Variants in NFIL3 observed in about 807,000 individuals in gnomAD.
NFIL3 encodes nuclear factor, interleukin 3 regulated.
A neutral mutation model predicts 10.0 loss-of-function variants in NFIL3; 5 were observed. The ratio of observed to expected loss-of-function variants is 0.50; its 90% CI spans 0.26 to 1.06. NFIL3 has a LOEUF of 1.06. Among genes scored for constraint, NFIL3 ranks in the 50% least tolerant of loss-of-function variants. The probability of loss-of-function intolerance (pLI) is 0.13; values close to 1 mark genes in which losing one functional copy is unlikely to be tolerated. For missense variants in NFIL3, 436 were observed against 547.6 expected, an observed-to-expected ratio of 0.80 and a Z score of 2.03; for synonymous variants, 202 against 206.5, an observed-to-expected ratio of 0.98 and a Z score of 0.19.
the NFIL3 span, among the ~76,000 whole-genome samples, chr9:91,472,867 G>A: frequency 6.6e-6 from 1 of 152,156 alleles, no homozygotes; most frequent in Non-Finnish European, 1.5e-5. Context: ...TTTGATGATG[G>A]TGACGTACAG....
the NFIL3 span, among the ~76,000 whole-genome samples, chr9:91,463,746 C>T: frequency 6.6e-6 from 1 of 152,150 alleles, no homozygotes; most frequent in African/African-American, 2.4e-5. Flanking sequence ...CTATCAACTA[C>T]CAACAGAGTG....
chr9:91,477,747 A>G, the NFIL3 span, among the ~76,000 whole-genome samples: 56 of 152,366 alleles, frequency 3.7e-4, no homozygotes, highest in African/African-American at 1.2e-3. Flanking sequence ...ATAAATGCTT[A>G]TGAATGAACA....
At chr9:91,462,125 A>G in the NFIL3 span, among the ~76,000 whole-genome samples, 3 of 152,176 alleles carry the variant, frequency 2.0e-5, no homozygotes, top group South Asian at 6.2e-4. Flanking sequence ...TGTTACTACA[A>G]ACTACAAAAT....
At chr9:91,461,743 C>T in the NFIL3 span, among the ~76,000 whole-genome samples, 1 of 152,156 alleles carries the variant, frequency 6.6e-6, no homozygotes, top group East Asian at 1.9e-4. Flanking sequence ...TATTAGGACA[C>T]TTGCATTGGA....
chr9:91,409,311 T>A lies in NFIL3; in HGVS notation c.*35A>T. 6.6e-7 allele frequency: 1 copy of A among 1,520,690 alleles called. No individual in the cohort carries two copies. The highest frequency in any genetic ancestry group is 8.8e-7 in the Non-Finnish European group (1 of 1,136,118). 94.2% of individuals were successfully genotyped at this position (1,520,690 alleles called of 1,614,324 possible). ...ATGGACTGCTCTATTGCAAATGACA[T>A]CTTTCTAAATGCCCAGCTCTTACTC... On this transcript the variant is annotated 3_prime_UTR_variant, in exon 2 of 2. Transcript: ENST00000297689.
intron 1 of NFIL3, among the ~76,000 whole-genome samples, chr9:91,422,761 C>T (rs1833792879): frequency 6.6e-6 from 1 of 152,144 alleles, no homozygotes; most frequent in African/African-American, 2.4e-5. Context: ...AAAATAACAG[C>T]TGAGAACATT....
chr9:91,466,903 G>A, the NFIL3 span, among the ~76,000 whole-genome samples: 5 of 152,118 alleles, frequency 3.3e-5, no homozygotes, highest in Non-Finnish European at 7.3e-5. Flanking sequence ...TTTTTTAGGC[G>A]AGATTCATAC....
chr9:91,416,885 C>A (rs1833667768), intron 1 of NFIL3, among the ~76,000 whole-genome samples: 1 of 152,048 alleles, frequency 6.6e-6, no homozygotes, highest in Non-Finnish European at 1.5e-5. Flanking sequence ...AGAATATAAC[C>A]TCATAACAAT....
intron 1 of NFIL3, among the ~76,000 whole-genome samples, chr9:91,414,931 T>C (rs532292264): frequency 1.5e-3 from 234 of 152,352 alleles, no homozygotes; most frequent in African/African-American, 5.3e-3. Flanking sequence ...CAGTCACCCA[T>C]ATACCTTATA....
chr9:91,431,971 C>T, the NFIL3 span, among the ~76,000 whole-genome samples: 3 of 152,136 alleles, frequency 2.0e-5, no homozygotes, highest in African/African-American at 7.2e-5. Flanking sequence ...CTTCTACCAC[C>T]AGCAGCTAAC....
the NFIL3 span, among the ~76,000 whole-genome samples, chr9:91,448,624 C>A: frequency 6.6e-6 from 1 of 152,190 alleles, no homozygotes; most frequent in African/African-American, 2.4e-5. Flanking sequence ...AGACCCCTTT[C>A]AAACCAATTA....
the NFIL3 span, among the ~76,000 whole-genome samples, chr9:91,440,780 T>C: frequency 6.6e-6 from 1 of 151,990 alleles, no homozygotes; most frequent in South Asian, 2.1e-4. Context: ...CTTAGGAGCA[T>C]GTTGTTTAAT....
the NFIL3 span, among the ~76,000 whole-genome samples, chr9:91,475,782 A>T: frequency 6.6e-6 from 1 of 152,238 alleles, no homozygotes; most frequent in Non-Finnish European, 1.5e-5. Context: ...ATTATTAAGG[A>T]CTACTTATAA....
chr9:91,410,289 A>G lies in NFIL3; in HGVS notation c.446T>C (p.Phe149Ser). The change falls in exon 2 of 2, where the codon TTT becomes TCT. Residue 149 changes from phenylalanine to serine, a missense_variant. Around this residue, in one of 3 missense-constraint regions of NFIL3, gnomAD observed 338 missense variants for 399.9 expected, o/e 0.85. Coordinates refer to ENST00000297689, the MANE Select transcript of NFIL3 (RefSeq NM_005384.3). The surrounding 1 kb of genome is among the most constrained non-coding windows in gnomAD (Gnocchi z 5.7). Reference protein sequence around the residue: ...QKLSNSTAVYFQDYQTSKSNV... With the variant: ...QKLSNSTAVYSQDYQTSKSNV... ...GGATTTGGAAGTCTGGTAATCTTGAAAGTACACAGCTGTAGAATTACTGAG... is the reference window on the plus strand; with the variant it reads ...GGATTTGGAAGTCTGGTAATCTTGAGAGTACACAGCTGTAGAATTACTGAG... 6.2e-7 allele frequency: 1 copy of G among 1,614,178 alleles called. No individual in the cohort carries two copies. Among genetic ancestry groups the G allele is most frequent in the Non-Finnish European group, 8.5e-7 (1 of 1,180,012 alleles).
At chr9:91,449,317 G>C in the NFIL3 span, among the ~76,000 whole-genome samples, 1 of 152,072 alleles carries the variant, frequency 6.6e-6, no homozygotes, top group Non-Finnish European at 1.5e-5. Context: ...TTTTGCCATA[G>C]AGTATAATGT....
chr9:91,474,439 G>C, the NFIL3 span, among the ~76,000 whole-genome samples: 1 of 152,076 alleles, frequency 6.6e-6, no homozygotes, highest in Non-Finnish European at 1.5e-5. Flanking sequence ...TCCCATGAAG[G>C]CTGCTGCTCC....
chr9:91,411,855 C>T (rs1833555621), intron 1 of NFIL3, among the ~76,000 whole-genome samples: 1 of 152,044 alleles, frequency 6.6e-6, no homozygotes, highest in South Asian at 2.1e-4. Flanking sequence ...GTAATCCCAG[C>T]ACTTTGGTAG....
chr9:91,447,005 G>A, the NFIL3 span, among the ~76,000 whole-genome samples: 1 of 151,954 alleles, frequency 6.6e-6, no homozygotes, highest in South Asian at 2.1e-4. Context: ...TAGTAGAGGC[G>A]GGGTTTCACC....
chr9:91,431,593 G>A, the NFIL3 span, among the ~76,000 whole-genome samples: 333 of 152,282 alleles, frequency 2.2e-3, no homozygotes, highest in Non-Finnish European at 3.7e-3. Flanking sequence ...TTCATCCCAC[G>A]AGAGAAAGCC....
Sources: allele counts gnomAD v4.1 joint callset (sites outside exome capture counted in the v4.1 genomes callset), GRCh38; gene constraint gnomAD v4.1.1; regional missense constraint gnomAD v4.1.1; non-coding constraint Gnocchi (gnomAD v3.1); transcripts MANE v1.5; gene names NCBI Gene and HGNC (gene_info 2026-07-23, HGNC 2026-07-21).